Variants in TENM2 observed in about 807,000 individuals in gnomAD.
The protein encoded by TENM2 is teneurin transmembrane protein 2.
In TENM2, 52 loss-of-function variants were observed where a neutral mutation model predicts 245.2. The observed-to-expected ratio is 0.21, with a 90% CI of 0.17 to 0.27. TENM2 has a LOEUF of 0.27. Among genes scored for constraint, TENM2 ranks in the 10% least tolerant of loss-of-function variants. TENM2 has a pLI of 1.00. For synonymous variants in TENM2, 1,363 were observed against 1,438.9 expected, an observed-to-expected ratio of 0.95 and a Z score of 1.19; for missense variants, 3,046 against 3,666.8, an observed-to-expected ratio of 0.83 and a Z score of 4.37.
chr5:167,281,925 G>A (rs992209458), upstream of TENM2, among the ~76,000 whole-genome samples: 3 of 149,604 alleles, frequency 2.0e-5, no homozygotes, highest in East Asian at 3.9e-4. Context: ...GCTTGAATCC[G>A]GGAGGCAGAG....
chr5:167,902,142 C>T (rs1481834894), intron 3 of TENM2, among the ~76,000 whole-genome samples: 2 of 151,988 alleles, frequency 1.3e-5, no homozygotes, highest in African/African-American at 4.8e-5. Context: ...GGAGCAGGTT[C>T]TGGGTGTTTG....
chr5:167,901,626 G>A (rs1244810287), intron 3 of TENM2, among the ~76,000 whole-genome samples: 1 of 152,004 alleles, frequency 6.6e-6, no homozygotes, highest in Admixed American at 6.6e-5. Context: ...GCATTGAATG[G>A]GCCTAGCACC....
chr5:167,436,773 G>A (rs13355567), intron 2 of TENM2, among the ~76,000 whole-genome samples: 16,336 of 152,160 alleles, frequency 0.11, 1,891 homozygotes, highest in African/African-American at 0.29. Context: ...GGGCCAAGGT[G>A]CATACAGCTC....
chr5:167,739,512 T>G (rs768175534), intron 2 of TENM2, among the ~76,000 whole-genome samples: 8 of 152,148 alleles, frequency 5.3e-5, no homozygotes, highest in Admixed American at 1.3e-4. Context: ...TAGGAAGCAA[T>G]AAGCAACTCC....
In TENM2 at chr5:168,197,324, G is replaced by C. The variant is rs987733208; in HGVS notation, c.2901-1529G>C. The stretch of plus-strand genomic sequence containing the variant: ...CCAGCGAGTCAAGTATATTTTTACC[G>C]AGTTTTTACTGTGATCCAAGTACTC... On this transcript the variant is annotated intron_variant, in intron 15 of 28. Transcript: ENST00000518659. Among the ~76,000 whole-genome samples the C allele has an allele frequency of 2.0e-5, 3 of 152,086 alleles. No homozygotes were observed. The East Asian group carries it at 5.8e-4, about 29-fold the overall frequency.
At chr5:167,794,153 A>T (rs933918242) in intron 2 of TENM2, among the ~76,000 whole-genome samples, 3 of 152,072 alleles carry the variant, frequency 2.0e-5, no homozygotes, top group Non-Finnish European at 4.4e-5. Flanking sequence ...GTCGCCCACC[A>T]GTCCACTCAG....
At chr5:167,845,516 T>C (rs1213181366) in intron 2 of TENM2, among the ~76,000 whole-genome samples, 2 of 152,174 alleles carry the variant, frequency 1.3e-5, no homozygotes, top group Non-Finnish European at 2.9e-5. Context: ...CCATATTACT[T>C]TGTACAGACC....
At chr5:167,352,405 G>C (rs1468295837) in intron 1 of TENM2, among the ~76,000 whole-genome samples, 1 of 152,194 alleles carries the variant, frequency 6.6e-6, no homozygotes, top group Non-Finnish European at 1.5e-5. Context: ...CAGGTAAGCA[G>C]ATAATTATTA....
chr5:167,578,786 C>T (rs1193186638), intron 2 of TENM2, among the ~76,000 whole-genome samples: 4 of 152,144 alleles, frequency 2.6e-5, no homozygotes, highest in Admixed American at 2.0e-4. Flanking sequence ...AACTCTTTGA[C>T]GTCTAGTGTA....
intron 2 of TENM2, among the ~76,000 whole-genome samples, chr5:167,865,580 C>G (rs1197645403): frequency 2.0e-5 from 3 of 152,134 alleles, no homozygotes; most frequent in African/African-American, 4.8e-5. Context: ...AGCCTGGAAT[C>G]AAATTTTATA....
chr5:167,872,978 G>A (rs1773112285), intron 2 of TENM2, among the ~76,000 whole-genome samples: 1 of 152,344 alleles, frequency 6.6e-6, no homozygotes, highest in East Asian at 1.9e-4. Context: ...TTGGCTTCCA[G>A]CCATCCTTGT....
intron 2 of TENM2, among the ~76,000 whole-genome samples, chr5:167,400,149 A>T (rs1055702157): frequency 2.0e-4 from 30 of 152,210 alleles, no homozygotes; most frequent in African/African-American, 6.5e-4. Flanking sequence ...ATTTAGAAAA[A>T]TTATTCTAAA....
chr5:167,293,688 G>C (rs1754787677), intron 1 of TENM2, among the ~76,000 whole-genome samples: 1 of 152,102 alleles, frequency 6.6e-6, no homozygotes, highest in Non-Finnish European at 1.5e-5. Context: ...CCCCTTAAGT[G>C]GAAGTACATA....
intron 2 of TENM2, among the ~76,000 whole-genome samples, chr5:167,452,931 T>TTTTATATA (rs1264260420): frequency 1.8e-3 from 9 of 4,886 alleles, no homozygotes; most frequent in African/African-American, 3.2e-3. Context: ...AAAGTATGAT[T>TTTTATATA]TATATATATA....
intron 23 of TENM2, among the ~76,000 whole-genome samples, chr5:168,223,858 T>G (rs528243379): frequency 2.8e-4 from 42 of 152,148 alleles, no homozygotes; most frequent in Admixed American, 5.2e-4. Flanking sequence ...CCATTAACAT[T>G]TAAATGTCTA....
intron 1 of TENM2, among the ~76,000 whole-genome samples, chr5:167,358,415 C>T (rs1191741223): frequency 6.6e-6 from 1 of 151,966 alleles, no homozygotes; most frequent in Non-Finnish European, 1.5e-5. Context: ...ATTTAGATTC[C>T]ATTCTACCAT....
chr5:167,646,527 C>A (rs1310733971), intron 2 of TENM2, among the ~76,000 whole-genome samples: 1 of 151,292 alleles, frequency 6.6e-6, no homozygotes, highest in Non-Finnish European at 1.5e-5. Flanking sequence ...GAATATGAGA[C>A]AATTGGTACT....
chr5:167,683,276 A>G (rs1756861905), intron 2 of TENM2, among the ~76,000 whole-genome samples: 1 of 146,836 alleles, frequency 6.8e-6, no homozygotes, highest in African/African-American at 2.6e-5. Context: ...CCTGGGCATC[A>G]GAAATAAAAA....
In TENM2 at chr5:167,876,215, T is replaced by C; in HGVS notation, c.712+20T>C. ...GCAGTGGTAAGGAAACTCCGTGGTG[T>C]CTGAATGTGTGGTGTTTCGTGAGTG... On this transcript the variant is annotated intron_variant, in intron 3 of 28. Coordinates refer to ENST00000518659, the Ensembl canonical transcript of TENM2. 1 of 1,531,344 alleles carries C rather than the reference T, an allele frequency of 6.5e-7. No homozygotes were observed. The allele number at this position is 1,531,344 out of a possible 1,614,324, so 94.9% of individuals were successfully genotyped here. A position where few individuals can be genotyped will look rare whatever the true frequency, so the allele number is the denominator to read the frequency against.
Sources: allele counts gnomAD v4.1 joint callset (sites outside exome capture counted in the v4.1 genomes callset), GRCh38; gene constraint gnomAD v4.1.1; transcripts MANE v1.5; gene names NCBI Gene and HGNC (gene_info 2026-07-23, HGNC 2026-07-21).